LRRIQ1: variants seen among roughly 807,000 people sequenced by gnomAD.
LRRIQ1 encodes leucine-rich repeat- and IQ domain-containing protein 1.
LRRIQ1 carries 210 observed loss-of-function variants against 211.9 expected under a neutral mutation model. The ratio of observed to expected loss-of-function variants is 0.99; its 90% CI spans 0.89 to 1.11. The LOEUF (loss-of-function observed/expected upper bound fraction) is 1.11. Among genes scored for constraint, LRRIQ1 ranks in the 50% most tolerant of loss-of-function variants. The pLI is 0.00. For synonymous variants in LRRIQ1, 699 were observed against 650.1 expected, an observed-to-expected ratio of 1.08 and a Z score of -1.14; for missense variants, 2,136 against 1,939.5, an observed-to-expected ratio of 1.10 and a Z score of -1.90.
chr12:85,074,280 A>G (rs1397251904), intron 11 of LRRIQ1, among the ~76,000 whole-genome samples: 1 of 151,986 alleles, frequency 6.6e-6, no homozygotes, highest in Non-Finnish European at 1.5e-5. Context: ...TGAAATATTC[A>G]TACCAGTTTT....
At chr12:85,043,333 A>T (rs1879123502) in intron 3 of LRRIQ1, among the ~76,000 whole-genome samples, 1 of 152,038 alleles carries the variant, frequency 6.6e-6, no homozygotes, top group African/African-American at 2.4e-5. Context: ...TAGCTCATTA[A>T]AATGTCTGGC....
intron 3 of LRRIQ1, 71 bp downstream of exon 3, chr12:85,040,672 T>G (rs1332127668): frequency 3.7e-6 from 3 of 814,326 alleles, no homozygotes; most frequent in Non-Finnish European, 6.0e-6. Flanking sequence ...TTTAGTAAAC[T>G]AAAGTGCTTA....
At position 85,104,078 on chromosome 12, in the gene LRRIQ1, G is replaced by T. The variant is rs765615194; in HGVS notation, c.3283+1G>T. 2 of 1,502,262 alleles carry T rather than the reference G, an allele frequency of 1.3e-6. No homozygotes were observed. The highest frequency in any genetic ancestry group is 1.8e-6 in the Non-Finnish European group (2 of 1,108,428). The allele number at this position is 1,502,262 out of a possible 1,614,324, so 93.1% of individuals were successfully genotyped here. A position where few individuals can be genotyped will look rare whatever the true frequency, so the allele number is the denominator to read the frequency against. On this transcript the variant is annotated splice_donor_variant, in intron 14 of 26. Transcript: ENST00000393217. LOFTEE classifies it high-confidence loss of function. ...GATGTCAGCCACAATTGTCTTTCTGGTAAGTTTAGCATAATATATATATTT... is the reference window on the plus strand; with the variant it reads ...GATGTCAGCCACAATTGTCTTTCTGTTAAGTTTAGCATAATATATATATTT...
At position 85,121,861 on chromosome 12, in the gene LRRIQ1, A is replaced by T. The variant is rs762967987; in HGVS notation, c.3542A>T (p.Tyr1181Phe). The change falls in exon 16 of 27, where the codon TAT becomes TTT. Residue 1181 changes from tyrosine (Y) to phenylalanine (F), a missense_variant. Coordinates refer to ENST00000393217, the MANE Select transcript of LRRIQ1 (RefSeq NM_001079910.2). ...IREFNLLIENYITGKGDVFTL... is the reference protein window; with the variant it reads ...IREFNLLIENFITGKGDVFTL... Reference sequence around the variant, plus strand: ...GAATTCAACTTGCTAATTGAAAATTATATAACTGGAAAAGGGTAAGATTGT... The same window carrying T: ...GAATTCAACTTGCTAATTGAAAATTTTATAACTGGAAAAGGGTAAGATTGT... The T allele has an allele frequency of 6.2e-7, 1 of 1,604,576 alleles. No individual in the cohort carries two copies. Among genetic ancestry groups the T allele is most frequent in the African/African-American group, 1.3e-5 (1 of 74,490 alleles).
At chr12:85,233,367 G>T (rs904648562) in intron 26 of LRRIQ1, among the ~76,000 whole-genome samples, 3 of 151,906 alleles carry the variant, frequency 2.0e-5, no homozygotes, top group African/African-American at 7.3e-5. Flanking sequence ...TTTTCAGTGC[G>T]TTTCTAGAAA....
rs1442821383 is a variant in LRRIQ1, at chr12:85,232,752, T to C, written c.5012T>C (p.Leu1671Pro). ...GTACTTAATGGTGGAAGAGTTCAGCTTGTGGTAAGAAATGTGCTTAAAGTT... is the reference window on the plus strand; with the variant it reads ...GTACTTAATGGTGGAAGAGTTCAGCCTGTGGTAAGAAATGTGCTTAAAGTT... ...PDVLNGGRVQ[L>P]VARLVSREDT... Residue 1671 changes from leucine to proline, a missense_variant, in exon 26 of 27, where the codon CTT becomes CCT. Coordinates refer to ENST00000393217, the MANE Select transcript of LRRIQ1 (RefSeq NM_001079910.2). 6.2e-7 allele frequency: 1 copy of C among 1,612,042 alleles called. No homozygotes were observed. The highest frequency in any genetic ancestry group is 2.2e-5 in the East Asian group (1 of 44,690).
intron 11 of LRRIQ1, among the ~76,000 whole-genome samples, chr12:85,081,193 A>G: frequency 6.6e-6 from 1 of 152,118 alleles, no homozygotes; most frequent in East Asian, 1.9e-4. Context: ...TAGGTTTGTA[A>G]GCTTTCTTTC....
At chr12:85,238,580 C>T (rs1468882014) in intron 26 of LRRIQ1, among the ~76,000 whole-genome samples, 1 of 151,944 alleles carries the variant, frequency 6.6e-6, no homozygotes, top group Admixed American at 6.6e-5. Flanking sequence ...AAAAAAATGT[C>T]AACCTTCAAT....
intron 24 of LRRIQ1, among the ~76,000 whole-genome samples, chr12:85,205,237 C>T (rs1592968197): frequency 6.6e-6 from 1 of 152,160 alleles, no homozygotes; most frequent in East Asian, 1.9e-4. Flanking sequence ...AATTAAACCT[C>T]TTTCTTTTGT....
chr12:85,118,996 A>C (rs1382872813), intron 15 of LRRIQ1, among the ~76,000 whole-genome samples: 1 of 152,160 alleles, frequency 6.6e-6, no homozygotes, highest in Admixed American at 6.5e-5. Flanking sequence ...ATTTGTCACC[A>C]TCAATGAGTC....
At chr12:85,197,032 C>T (rs1207473162) in intron 24 of LRRIQ1, among the ~76,000 whole-genome samples, 2 of 151,252 alleles carry the variant, frequency 1.3e-5, no homozygotes, top group Non-Finnish European at 3.0e-5. Flanking sequence ...TGAACAGACA[C>T]TTCTCAAAAG....
chr12:85,268,112 A>AGGAAATATTTCCATGAAATGATG (rs879565593), downstream of LRRIQ1, among the ~76,000 whole-genome samples: 1 of 151,982 alleles, frequency 6.6e-6, no homozygotes, highest in Non-Finnish European at 1.5e-5. Context: ...TACCATATTT[A>AGGAAATATTTCCATGAAATGATG]GGAAATATTT....
chr12:85,153,793 A>G (rs1490038903), intron 22 of LRRIQ1, 35 bp downstream of exon 22: 1 of 1,291,192 alleles, frequency 7.7e-7, no homozygotes, highest in Non-Finnish European at 1.1e-6. Context: ...AAATTAAAAA[A>G]TTGAGAGATT....
intron 24 of LRRIQ1, among the ~76,000 whole-genome samples, chr12:85,205,847 C>T (rs1169427289): frequency 6.6e-6 from 1 of 152,130 alleles, no homozygotes; most frequent in Non-Finnish European, 1.5e-5. Context: ...TTTGGAAAGG[C>T]AGTTTTCAAG....
chr12:85,066,519 CTGT>C (rs1882447929), intron 9 of LRRIQ1, among the ~76,000 whole-genome samples: 1 of 151,340 alleles, frequency 6.6e-6, no homozygotes, highest in Non-Finnish European at 1.5e-5. Flanking sequence ...TCTGTATTTT[CTGT>C]ATTTTAAAAC....
chr12:85,196,569 A>T (rs2136982899), intron 24 of LRRIQ1, among the ~76,000 whole-genome samples: 1 of 152,252 alleles, frequency 6.6e-6, no homozygotes, highest in East Asian at 1.9e-4. Context: ...AAAAACAAGC[A>T]ATGGGGAAAG....
At chr12:85,086,821 A>G (rs1884872762) in intron 11 of LRRIQ1, among the ~76,000 whole-genome samples, 1 of 152,006 alleles carries the variant, frequency 6.6e-6, no homozygotes, top group African/African-American at 2.4e-5. Context: ...CTTTGTACTC[A>G]ACAATGGAAA....
chr12:85,214,351 G>A (rs1388541579), intron 24 of LRRIQ1, among the ~76,000 whole-genome samples: 1 of 152,072 alleles, frequency 6.6e-6, no homozygotes. Flanking sequence ...CTGACAAGCA[G>A]AATCTAAGAT....
At chr12:85,093,211 G>C (rs1431997833) in intron 11 of LRRIQ1, among the ~76,000 whole-genome samples, 1 of 152,202 alleles carries the variant, frequency 6.6e-6, no homozygotes, top group Non-Finnish European at 1.5e-5. Flanking sequence ...CATCTCAGGA[G>C]AATGGAATTG....
Sources: allele counts gnomAD v4.1 joint callset (sites outside exome capture counted in the v4.1 genomes callset), GRCh38; gene constraint gnomAD v4.1.1; transcripts MANE v1.5; gene names NCBI Gene and HGNC (gene_info 2026-07-23, HGNC 2026-07-21).